Variants in TUBB6 observed in about 807,000 individuals in gnomAD.
The protein encoded by TUBB6 is tubulin beta 6 class V.
In TUBB6, 18 loss-of-function variants were observed where a neutral mutation model predicts 32.3. The ratio of observed to expected loss-of-function variants is 0.56; its 90% confidence interval spans 0.39 to 0.83. The LOEUF is 0.83. Among genes scored for constraint, TUBB6 ranks in the 40% least tolerant of loss-of-function variants. The pLI is 0.00. For missense variants in TUBB6, 480 were observed against 632.0 expected (o/e 0.76, Z 2.58); for synonymous variants, 280 against 265.8 (o/e 1.05, Z -0.52).
chr18:12,329,455 GTGGC>G (rs757708656), downstream of TUBB6: 4 of 1,174,024 alleles, frequency 3.4e-6, no homozygotes, highest in Non-Finnish European at 5.1e-6. Context: ...AGCTGGGCCA[GTGGC>G]TGGCTAAAAT....
At chr18:12,314,556 C>A (rs1356337111) in intron 3 of TUBB6, among the ~76,000 whole-genome samples, 1 of 152,044 alleles carries the variant, frequency 6.6e-6, no homozygotes, top group African/African-American at 2.4e-5. Context: ...AGTGAAAACC[C>A]ACCTCCCTCC....
At chr18:12,317,678 C>G (rs1048028915) in intron 3 of TUBB6, among the ~76,000 whole-genome samples, 3 of 152,156 alleles carry the variant, frequency 2.0e-5, no homozygotes. Flanking sequence ...TATTCCATCA[C>G]CCATTGTGAG....
chr18:12,319,268 G>A lies in TUBB6; in HGVS notation c.278-5799G>A, dbSNP rs1037208120. 2.6e-5 allele frequency among the ~76,000 whole-genome samples: 4 copies of A among 151,678 alleles called. No individual in the cohort carries two copies. The East Asian group carries it at 5.8e-4, about 22-fold the overall frequency. On this transcript the variant is annotated intron_variant, in intron 3 of 3. Coordinates refer to ENST00000317702, the MANE Select transcript of TUBB6 (RefSeq NM_032525.3). Reference sequence around the variant, plus strand: ...AAGCAATTCTCCTGCCTCAGCCTCTGGAGTAGCTGGGATTACAGGCACCTG... The same window carrying A: ...AAGCAATTCTCCTGCCTCAGCCTCTAGAGTAGCTGGGATTACAGGCACCTG...
intron 3 of TUBB6, among the ~76,000 whole-genome samples, chr18:12,312,441 T>TAGACTTA (rs1906434602): frequency 6.6e-6 from 1 of 152,192 alleles, no homozygotes; most frequent in African/African-American, 2.4e-5. Flanking sequence ...TATGTGGCCT[T>TAGACTTA]AGACTTATTT....
In TUBB6 at chr18:12,313,117, G is replaced by C. The variant is rs57193559; in HGVS notation, c.277+2064G>C. Among the ~76,000 whole-genome samples, 322 of 150,352 alleles carry C rather than the reference G, an allele frequency of 2.1e-3. 2 individuals are homozygous for C. The highest frequency in any genetic ancestry group is 7.4e-3 in the African/African-American group (303 of 41,002). On this transcript the variant is annotated intron_variant, in intron 3 of 3. Coordinates refer to ENST00000317702, the MANE Select transcript of TUBB6 (RefSeq NM_032525.3). ...TCCTTTATTTACAGATTATCTACCAGAAACCCATAGCAACATTACACTCCC... is the reference window on the plus strand; with the variant it reads ...TCCTTTATTTACAGATTATCTACCACAAACCCATAGCAACATTACACTCCC...
Position 12,318,655 on chromosome 18 carries a change from G to A in TUBB6, c.278-6412G>A, listed in dbSNP as rs536416292. Among the ~76,000 whole-genome samples, 3 of 152,254 alleles carry A rather than the reference G, an allele frequency of 2.0e-5. No homozygotes were observed. The South Asian group carries it at 6.2e-4, about 32-fold the overall frequency. On this transcript the variant is annotated intron_variant, in intron 3 of 3. Coordinates refer to ENST00000317702, the MANE Select transcript of TUBB6 (RefSeq NM_032525.3). ...AGTGGGACTGAGACGGAGATCTAGG[G>A]AGGCTGATGCTGCAGACAAGTGCAA...
chr18:12,319,489 CAG>C (rs1906865786), intron 3 of TUBB6, among the ~76,000 whole-genome samples: 1 of 152,086 alleles, frequency 6.6e-6, no homozygotes, highest in Non-Finnish European at 1.5e-5. Flanking sequence ...GGTGAGCACA[CAG>C]AGCTGATTTT....
At chr18:12,322,766 T>C (rs1390822189) in intron 3 of TUBB6, among the ~76,000 whole-genome samples, 1 of 152,148 alleles carries the variant, frequency 6.6e-6, no homozygotes, top group African/African-American at 2.4e-5. Flanking sequence ...GTATTTAATA[T>C]TCACCCTTGG....
In TUBB6 at chr18:12,310,422, C is replaced by T. The variant is rs1485134735; in HGVS notation, c.167-521C>T. ...AGGAGAATGGCATGAACCCAGGAGG[C>T]GGAGCTTGCAGTGAGCCGAGATCAC... On this transcript the variant is annotated intron_variant, in intron 2 of 3. Coordinates refer to ENST00000317702, the MANE Select transcript of TUBB6 (RefSeq NM_032525.3). 3.5e-5 allele frequency among the ~76,000 whole-genome samples: 5 copies of T among 144,070 alleles called. No individual in the cohort carries two copies. The East Asian group carries it at 6.4e-4, about 19-fold the overall frequency. 94.5% of individuals were successfully genotyped at this position (144,070 alleles called of 152,430 possible). A position where few individuals can be genotyped will look rare whatever the true frequency, so the allele number is the denominator to read the frequency against.
At chr18:12,308,984 A>G (rs1906189976) in intron 2 of TUBB6, among the ~76,000 whole-genome samples, 189 bp downstream of exon 2, 2 of 152,176 alleles carry the variant, frequency 1.3e-5, no homozygotes, top group Non-Finnish European at 2.9e-5. Flanking sequence ...GATTCAGCCT[A>G]TCCTGAGGGT....
chr18:12,319,290 C>T (rs940962528), intron 3 of TUBB6, among the ~76,000 whole-genome samples: 14 of 151,946 alleles, frequency 9.2e-5, no homozygotes. Flanking sequence ...ATTACAGGCA[C>T]CTGCCACCAC....
At chr18:12,321,429 C>G (rs1016027545) in intron 3 of TUBB6, among the ~76,000 whole-genome samples, 3 of 152,202 alleles carry the variant, frequency 2.0e-5, no homozygotes, top group African/African-American at 2.4e-5. Flanking sequence ...TGTGAGCAGG[C>G]CCGTGTCCCA....
chr18:12,310,875 G>GA, intron 2 of TUBB6, 68 bp from the exon 3 acceptor site: 1 of 1,132,976 alleles, frequency 8.8e-7, no homozygotes, highest in Non-Finnish European at 1.3e-6. Flanking sequence ...GGTGGGACTT[G>GA]AAACGGGGAA....
At position 12,308,781 on chromosome 18, in the gene TUBB6, A is replaced by G; in HGVS notation, c.152A>G (p.Tyr51Cys). ...CAGCTGGAGAGAATCAACGTCTACT[A>G]CAATGAGTCATCGTGTGAGTAGCAA... ...ALQLERINVY[Y>C]NESSSQKYVP... The change falls in exon 2 of 4, where the codon TAC becomes TGC. Residue 51 changes from tyrosine (Y) to cysteine (C), a missense_variant. Coordinates refer to ENST00000317702, the MANE Select transcript of TUBB6 (RefSeq NM_032525.3). 1 of 1,606,920 alleles carries G rather than the reference A, an allele frequency of 6.2e-7. No individual in the cohort carries two copies. The highest frequency in any genetic ancestry group is 8.5e-7 in the Non-Finnish European group (1 of 1,173,848).
chr18:12,329,225 A>G (rs1371451884), downstream of TUBB6: 23 of 702,800 alleles, frequency 3.3e-5, no homozygotes, highest in East Asian at 5.6e-4. Context: ...CCACACGCCA[A>G]GAGTCCAGTG....
chr18:12,321,057 G>A (rs1906961763), intron 3 of TUBB6, among the ~76,000 whole-genome samples: 1 of 152,146 alleles, frequency 6.6e-6, no homozygotes, highest in African/African-American at 2.4e-5. Context: ...CTTATGAGAA[G>A]GGTTTAGCAT....
chr18:12,311,589 T>C (rs1397360789), intron 3 of TUBB6, among the ~76,000 whole-genome samples: 2 of 152,152 alleles, frequency 1.3e-5, no homozygotes, highest in Non-Finnish European at 2.9e-5. Context: ...AGAGCGAGAC[T>C]CCATCTCAAA....
intron 3 of TUBB6, among the ~76,000 whole-genome samples, chr18:12,323,640 T>C (rs545478966): frequency 3.7e-4 from 56 of 151,948 alleles, no homozygotes; most frequent in Non-Finnish European, 6.2e-4. Flanking sequence ...ACCCCATCTC[T>C]ACTAAAAAAT....
rs1019096437 is a variant in TUBB6, at chr18:12,326,231, T to C, written c.*101T>C. ...GGCCCTGAATGGTGCACTGGTTTAA[T>C]TGTGTTGGTGTCGGCCCCTCACAAA... is the stretch of plus-strand genomic sequence containing the variant. On this transcript the variant is annotated 3_prime_UTR_variant, in exon 4 of 4. Coordinates refer to ENST00000317702, the MANE Select transcript of TUBB6 (RefSeq NM_032525.3). 11 of 1,460,950 alleles carry C rather than the reference T, an allele frequency of 7.5e-6. No individual in the cohort carries two copies. In the Admixed American group the frequency reaches 2.4e-4, roughly 32 times the overall value. The allele number at this position is 1,460,950 out of a possible 1,614,324, so 90.5% of individuals were successfully genotyped here. A position where few individuals can be genotyped will look rare whatever the true frequency, so the allele number is the denominator to read the frequency against.
Sources: gnomAD v4.1 joint callset for allele counts (sites outside exome capture counted in the v4.1 genomes callset) on GRCh38, gnomAD v4.1.1 for gene constraint, MANE v1.5 for transcripts, NCBI Gene and HGNC (gene_info 2026-07-23, HGNC 2026-07-21) for gene names.